Variants in SOX6 observed in about 807,000 individuals in gnomAD.
SOX6 encodes SRY-box transcription factor 6.
A neutral mutation model predicts 97.8 loss-of-function variants in SOX6; 11 were observed. That is an observed-to-expected ratio of 0.11 (90% CI 0.07 to 0.19). The LOEUF (loss-of-function observed/expected upper bound fraction) is 0.19, where lower values mean the gene tolerates loss of function less well. Ranked by LOEUF, SOX6 falls within the 10% of genes least tolerant of loss-of-function variation. The probability of loss-of-function intolerance (pLI) is 1.00; values close to 1 mark genes in which losing one functional copy is unlikely to be tolerated. For synonymous variants in SOX6, 360 were observed against 371.4 expected (o/e 0.97, Z 0.35); for missense variants, 810 against 1,039.5 (o/e 0.78, Z 3.04).
At chr11:16,584,227 G>A (rs1848067523) in intron 4 of SOX6, among the ~76,000 whole-genome samples, 1 of 152,076 alleles carries the variant, frequency 6.6e-6, no homozygotes, top group Non-Finnish European at 1.5e-5. Context: ...TGCATTGGAC[G>A]ATCACTTAAA....
At chr11:16,207,575 C>G (rs1013154968) in intron 4 of SOX6, among the ~76,000 whole-genome samples, 1 of 143,944 alleles carries the variant, frequency 6.9e-6, no homozygotes, top group Non-Finnish European at 1.5e-5. Flanking sequence ...CCTTGGGCGA[C>G]AGAGCGAGAC....
intron 1 of SOX6, among the ~76,000 whole-genome samples, chr11:16,451,348 T>C (rs1489907165): frequency 6.6e-6 from 1 of 152,024 alleles, no homozygotes; most frequent in Non-Finnish European, 1.5e-5. Context: ...AGTCAGAGGG[T>C]TGTCTGTAAC....
intron 4 of SOX6, among the ~76,000 whole-genome samples, chr11:16,549,242 T>C (rs1190941008): frequency 6.6e-6 from 1 of 152,148 alleles, no homozygotes; most frequent in African/African-American, 2.4e-5. Context: ...TGATCTCGGC[T>C]CACTGCAACG....
At chr11:16,178,880 G>A (rs540187438) in intron 6 of SOX6, among the ~76,000 whole-genome samples, 9 of 151,942 alleles carry the variant, frequency 5.9e-5, no homozygotes, top group South Asian at 2.1e-4. Flanking sequence ...GACTGTCCTC[G>A]GTTTTTCTGT....
At chr11:16,496,253 C>T (rs1403652221) in intron 4 of SOX6, among the ~76,000 whole-genome samples, 1 of 151,274 alleles carries the variant, frequency 6.6e-6, no homozygotes, top group Non-Finnish European at 1.5e-5. Flanking sequence ...CTTATGAAAT[C>T]CCAGAAAAAT....
chr11:16,420,519 A>G (rs190099191), intron 1 of SOX6, among the ~76,000 whole-genome samples: 29 of 152,270 alleles, frequency 1.9e-4, no homozygotes, highest in Non-Finnish European at 2.6e-4. Context: ...CCCCAAATAC[A>G]TCTGGGCAGA....
At chr11:16,424,521 C>T (rs570610229) in intron 1 of SOX6, among the ~76,000 whole-genome samples, 1 of 152,222 alleles carries the variant, frequency 6.6e-6, no homozygotes, top group East Asian at 1.9e-4. Flanking sequence ...GAGAGGGAAT[C>T]CTCTGTAGAG....
chr11:16,238,348 A>C (rs967394997), intron 3 of SOX6, among the ~76,000 whole-genome samples: 2 of 152,120 alleles, frequency 1.3e-5, no homozygotes, highest in African/African-American at 4.8e-5. Flanking sequence ...TGTTTTTAAA[A>C]TATCATGCAT....
chr11:16,177,653 C>CTCTCTCTCTCAT, intron 6 of SOX6, among the ~76,000 whole-genome samples: 1 of 149,970 alleles, frequency 6.7e-6, no homozygotes, highest in Admixed American at 6.7e-5. Context: ...CTCTCTCATT[C>CTCTCTCTCTCAT]TCTCTCTCTC....
chr11:16,462,886 A>G (rs1859959030), intron 1 of SOX6, among the ~76,000 whole-genome samples: 1 of 152,218 alleles, frequency 6.6e-6, no homozygotes. Context: ...ACTCTCTTTG[A>G]GTAGGAGAAA....
At chr11:16,577,975 A>G (rs1300048711) in intron 4 of SOX6, among the ~76,000 whole-genome samples, 2 of 152,088 alleles carry the variant, frequency 1.3e-5, no homozygotes, top group Non-Finnish European at 2.9e-5. Flanking sequence ...TTGATGTCAT[A>G]TCTAAGAAAC....
At chr11:16,560,526 T>C (rs1377118343) in intron 4 of SOX6, among the ~76,000 whole-genome samples, 4,660 of 109,302 alleles carry the variant, frequency 0.043, 1,004 homozygotes, top group Non-Finnish European at 0.068. Flanking sequence ...TGTTTATACG[T>C]ACATATATGT....
rs1184956297 is a variant in SOX6 at position 16,341,042 on chromosome 11, C to A, written c.207G>T (p.Trp69Cys). Residue 69 changes from tryptophan (W) to cysteine (C), a missense_variant, in exon 2 of 16, where the codon TGG becomes TGT. Coordinates refer to ENST00000683767, the MANE Select transcript of SOX6 (RefSeq NM_001367873.1). The part of the protein sequence containing the change: ...LVSTIQQDAD[W>C]DSVLSSQQRM... ...TTTGCTGAGATGACAGAACGCTGTC[C>A]CAGTCAGCATCTTGTTGAATGGTAC... 1 of 1,613,302 alleles carries A rather than the reference C, an allele frequency of 6.2e-7. No individual in the cohort carries two copies. Among genetic ancestry groups the A allele is most frequent in the East Asian group, 2.2e-5 (1 of 44,830 alleles).
chr11:16,031,064 G>A (rs72866360), intron 12 of SOX6, among the ~76,000 whole-genome samples: 7,169 of 152,084 alleles, frequency 0.047, 194 homozygotes, highest in Middle Eastern at 0.071. Flanking sequence ...TATCTAATTC[G>A]TAAGGCACAA....
intron 1 of SOX6, among the ~76,000 whole-genome samples, chr11:16,378,745 A>G (rs2134405617): frequency 6.6e-6 from 1 of 152,218 alleles, no homozygotes; most frequent in African/African-American, 2.4e-5. Flanking sequence ...AATCAAAAAT[A>G]AAACTTTAGA....
At chr11:16,004,647 T>G (rs1049938751) in intron 13 of SOX6, among the ~76,000 whole-genome samples, 3 of 151,922 alleles carry the variant, frequency 2.0e-5, no homozygotes, top group Non-Finnish European at 4.4e-5. Context: ...ATTTCTGTGG[T>G]TTAAAGGATT....
intron 3 of SOX6, among the ~76,000 whole-genome samples, chr11:16,648,349 C>T (rs920105757): frequency 6.6e-6 from 1 of 152,066 alleles, no homozygotes; most frequent in East Asian, 1.9e-4. Flanking sequence ...GCAGGCCCCA[C>T]CCAAGGAGAG....
chr11:16,666,612 C>A (rs938105372), intron 3 of SOX6, among the ~76,000 whole-genome samples: 4 of 152,016 alleles, frequency 2.6e-5, no homozygotes, highest in African/African-American at 9.7e-5. Context: ...TTGAAAACAG[C>A]CTGGCAAATA....
chr11:16,641,290 C>T (rs911013294), intron 3 of SOX6, among the ~76,000 whole-genome samples: 1 of 152,122 alleles, frequency 6.6e-6, no homozygotes, highest in African/African-American at 2.4e-5. Context: ...GTTTTAATTT[C>T]TGTTCTTTTG....
Sources: allele counts gnomAD v4.1 joint callset (sites outside exome capture counted in the v4.1 genomes callset), GRCh38; gene constraint gnomAD v4.1.1; transcripts MANE v1.5; gene names NCBI Gene and HGNC (gene_info 2026-07-23, HGNC 2026-07-21).